Variants in ROBO2 observed in about 807,000 individuals in gnomAD.
ROBO2 encodes the protein roundabout homolog 2.
A neutral mutation model predicts 160.8 loss-of-function variants in ROBO2; 53 were observed. The ratio of observed to expected loss-of-function variants is 0.33; its 90% CI spans 0.26 to 0.41. ROBO2 has a LOEUF of 0.41. Ranked by LOEUF, ROBO2 falls within the 10% of genes least tolerant of loss-of-function variation. The pLI is 1.00. For missense variants in ROBO2, 1,577 were observed against 1,722.4 expected, an observed-to-expected ratio of 0.92 and a Z score of 1.49; for synonymous variants, 664 against 611.7, an observed-to-expected ratio of 1.09 and a Z score of -1.26.
At chr3:76,311,137 T>C (rs1406073276) in intron 2 of ROBO2, 1 of 152,214 alleles carries the variant, frequency 6.6e-6, no homozygotes, top group African/African-American at 2.4e-5. Flanking sequence ...GTGAGAAATG[T>C]AGCTTGGCTC....
chr3:77,059,646 C>T (rs919352924), intron 1 of ROBO2, among the ~76,000 whole-genome samples: 4 of 152,036 alleles, frequency 2.6e-5, no homozygotes, highest in African/African-American at 9.7e-5. Flanking sequence ...CAGAGACACC[C>T]CAGTTTAATA....
intron 5 of ROBO2, among the ~76,000 whole-genome samples, chr3:77,509,250 G>C (rs996566926): frequency 1.3e-5 from 2 of 151,978 alleles, no homozygotes; most frequent in African/African-American, 4.8e-5. Flanking sequence ...TAGGAAGGAG[G>C]GTAGAAAGGC....
chr3:76,362,617 T>C (rs1257737495), intron 2 of ROBO2, among the ~76,000 whole-genome samples: 5 of 152,140 alleles, frequency 3.3e-5, no homozygotes, highest in Non-Finnish European at 7.4e-5. Flanking sequence ...GTGTGTAATA[T>C]GTTGCTTTGA....
chr3:77,102,884 G>GT (rs1269302858), intron 2 of ROBO2, among the ~76,000 whole-genome samples: 3 of 147,926 alleles, frequency 2.0e-5, no homozygotes, highest in African/African-American at 7.4e-5. Context: ...TCCAGAAAGT[G>GT]TTTTTTGAGT....
At chr3:76,972,351 T>C (rs1304144714) in intron 2 of ROBO2, among the ~76,000 whole-genome samples, 1 of 138,402 alleles carries the variant, frequency 7.2e-6, no homozygotes, top group Non-Finnish European at 1.6e-5. Flanking sequence ...TTGAAAACAT[T>C]TTTTTTTTTT....
At chr3:76,688,267 A>C (rs1452594526) in intron 2 of ROBO2, among the ~76,000 whole-genome samples, 1 of 152,086 alleles carries the variant, frequency 6.6e-6, no homozygotes, top group Non-Finnish European at 1.5e-5. Flanking sequence ...TCATTCTGAT[A>C]ATTGTTCAAT....
intron 2 of ROBO2, among the ~76,000 whole-genome samples, chr3:76,778,803 T>C (rs1487374685): frequency 6.6e-6 from 1 of 151,060 alleles, no homozygotes; most frequent in Non-Finnish European, 1.5e-5. Flanking sequence ...TAGCAGTGAG[T>C]AATTGCATAA....
chr3:76,918,251 C>T (rs529996321), intron 2 of ROBO2, among the ~76,000 whole-genome samples: 21 of 152,114 alleles, frequency 1.4e-4, no homozygotes, highest in Non-Finnish European at 2.6e-4. Flanking sequence ...GCTGTTCTCA[C>T]GATAGTGAGT....
intron 2 of ROBO2, among the ~76,000 whole-genome samples, chr3:76,384,194 G>A (rs925148092): frequency 8.5e-5 from 13 of 152,266 alleles, no homozygotes; most frequent in Non-Finnish European, 4.4e-5. Context: ...TGGTTTTCTT[G>A]TAATTATTAC....
At chr3:77,159,370 T>A (rs9876864) in intron 2 of ROBO2, among the ~76,000 whole-genome samples, 45,230 of 151,974 alleles carry the variant, frequency 0.3, 7,996 homozygotes, top group Middle Eastern at 0.46. Context: ...GATTACTACA[T>A]TTTAGTGATG....
At chr3:76,768,760 G>T (rs1335291560) in intron 2 of ROBO2, among the ~76,000 whole-genome samples, 5 of 151,068 alleles carry the variant, frequency 3.3e-5, no homozygotes, top group Non-Finnish European at 7.4e-5. Flanking sequence ...TGTAATAACA[G>T]TTCATTGCCA....
intron 2 of ROBO2, among the ~76,000 whole-genome samples, chr3:76,761,983 A>G (rs951038289): frequency 3.3e-5 from 5 of 149,564 alleles, no homozygotes; most frequent in African/African-American, 1.2e-4. Flanking sequence ...AGATCATGAG[A>G]CATTTATGGG....
At chr3:77,251,975 G>A (rs992898342) in intron 2 of ROBO2, among the ~76,000 whole-genome samples, 8 of 152,220 alleles carry the variant, frequency 5.3e-5, no homozygotes, top group Admixed American at 5.2e-4. Context: ...GGCCAGCCTG[G>A]AAAATTTCAA....
At chr3:76,520,214 G>T (rs1375888794) in intron 2 of ROBO2, among the ~76,000 whole-genome samples, 2 of 152,132 alleles carry the variant, frequency 1.3e-5, no homozygotes, top group Non-Finnish European at 2.9e-5. Flanking sequence ...ACTTTTGGAG[G>T]CCGAGGCAGG....
chr3:77,137,318 C>T (rs2076357862), intron 2 of ROBO2, among the ~76,000 whole-genome samples: 1 of 151,242 alleles, frequency 6.6e-6, no homozygotes. Flanking sequence ...CCTGCACCTC[C>T]CAGGTTCAAG....
chr3:76,804,744 A>C (rs1300732331), intron 2 of ROBO2, among the ~76,000 whole-genome samples: 3 of 152,224 alleles, frequency 2.0e-5, no homozygotes, highest in African/African-American at 7.2e-5. Flanking sequence ...CAAATAAATA[A>C]TAGCAGTTAA....
At chr3:76,039,010 A>G (rs1486970084) in intron 2 of ROBO2, among the ~76,000 whole-genome samples, 1 of 151,986 alleles carries the variant, frequency 6.6e-6, no homozygotes, top group Admixed American at 6.5e-5. Context: ...AATGTTGACA[A>G]TCTTACTGAA....
At chr3:77,101,430 A>C (rs59153694) in intron 2 of ROBO2, among the ~76,000 whole-genome samples, 37,653 of 152,124 alleles carry the variant, frequency 0.25, 5,120 homozygotes, top group East Asian at 0.55. Context: ...TGTTTGACAT[A>C]CCAATGAAAT....
At chr3:76,409,532 G>T (rs1404376587) in intron 2 of ROBO2, among the ~76,000 whole-genome samples, 1 of 151,970 alleles carries the variant, frequency 6.6e-6, no homozygotes, top group Non-Finnish European at 1.5e-5. Context: ...TTCTCTAGCT[G>T]TCAAAACAAA....
Sources: gnomAD v4.1 joint callset for allele counts (sites outside exome capture counted in the v4.1 genomes callset) on GRCh38, gnomAD v4.1.1 for gene constraint, MANE v1.5 for transcripts, NCBI Gene and HGNC (gene_info 2026-07-23, HGNC 2026-07-21) for gene names.